TTLL11: variants seen among roughly 807,000 people sequenced by gnomAD.
TTLL11 encodes tubulin tyrosine ligase like 11.
Under a neutral mutation model 51.7 loss-of-function variants are expected in TTLL11, and 42 were observed. The observed-to-expected ratio is 0.81, with a 90% CI of 0.64 to 1.05. TTLL11 has a LOEUF of 1.05. Among genes scored for constraint, TTLL11 ranks in the 50% least tolerant of loss-of-function variants. The pLI is 0.00. For synonymous variants in TTLL11, 381 were observed against 383.5 expected (o/e 0.99, Z 0.08); for missense variants, 799 against 940.4 (o/e 0.85, Z 1.97).
At chr9:121,887,851 A>G (rs1363540531) in intron 6 of TTLL11, among the ~76,000 whole-genome samples, 1 of 152,068 alleles carries the variant, frequency 6.6e-6, no homozygotes, top group Non-Finnish European at 1.5e-5. Context: ...CAAGTCTGGA[A>G]TACATCTGGT....
intron 1 of TTLL11, among the ~76,000 whole-genome samples, chr9:122,088,851 C>G (rs1421570656): frequency 2.0e-5 from 3 of 151,640 alleles, no homozygotes; most frequent in Non-Finnish European, 4.4e-5. Flanking sequence ...ATTAAAAATA[C>G]AAAAATTAGC....
At chr9:121,874,588 C>T (rs1355018209) in intron 6 of TTLL11, among the ~76,000 whole-genome samples, 2 of 152,042 alleles carry the variant, frequency 1.3e-5, no homozygotes, top group Non-Finnish European at 2.9e-5. Flanking sequence ...AGTATCTTCC[C>T]ATGGTATTAA....
chr9:122,006,418 A>G (rs1452335732), intron 3 of TTLL11, among the ~76,000 whole-genome samples: 1 of 151,348 alleles, frequency 6.6e-6, no homozygotes, highest in Non-Finnish European at 1.5e-5. Context: ...AGTTTATTTG[A>G]TATTTCAGAA....
intron 8 of TTLL11, among the ~76,000 whole-genome samples, chr9:121,855,625 C>T (rs1837791188): frequency 6.6e-6 from 1 of 152,090 alleles, no homozygotes; most frequent in African/African-American, 2.4e-5. Flanking sequence ...GGGTGATGAT[C>T]CAGTCCAAAT....
intron 3 of TTLL11, among the ~76,000 whole-genome samples, chr9:122,029,451 T>C (rs771335420): frequency 5.3e-5 from 8 of 152,118 alleles, no homozygotes; most frequent in Non-Finnish European, 1.0e-4. Context: ...CCTGACCCCG[T>C]GTAGGCCTAG....
chr9:121,919,214 C>T (rs1840439182), intron 6 of TTLL11, among the ~76,000 whole-genome samples: 1 of 152,098 alleles, frequency 6.6e-6, no homozygotes, highest in Non-Finnish European at 1.5e-5. Flanking sequence ...TTCAGAAAGT[C>T]CATTTTTGTA....
intron 6 of TTLL11, among the ~76,000 whole-genome samples, chr9:121,955,469 A>G (rs919592579): frequency 7.9e-5 from 12 of 152,248 alleles, no homozygotes; most frequent in African/African-American, 2.7e-4. Flanking sequence ...CTCAGGTAGT[A>G]TGTGGTGCAG....
intron 6 of TTLL11, among the ~76,000 whole-genome samples, chr9:121,940,958 A>G (rs1841437383): frequency 6.6e-6 from 1 of 152,254 alleles, no homozygotes; most frequent in Non-Finnish European, 1.5e-5. Flanking sequence ...GAGAACTCCA[A>G]TTAAGGCAGA....
At chr9:121,849,806 T>C (rs919267395) in intron 8 of TTLL11, among the ~76,000 whole-genome samples, 5 of 152,158 alleles carry the variant, frequency 3.3e-5, no homozygotes, top group Non-Finnish European at 5.9e-5. Context: ...GAATGCAAAA[T>C]GGTACTACTA....
chr9:121,938,175 G>A (rs1399384684), intron 6 of TTLL11, among the ~76,000 whole-genome samples: 3 of 151,760 alleles, frequency 2.0e-5, no homozygotes, highest in South Asian at 2.1e-4. Flanking sequence ...TGTAGTCCCC[G>A]CTACTCGGGA....
intron 6 of TTLL11, among the ~76,000 whole-genome samples, chr9:121,893,758 G>A (rs921138733): frequency 6.6e-6 from 1 of 152,158 alleles, no homozygotes; most frequent in African/African-American, 2.4e-5. Flanking sequence ...TACTCAATGG[G>A]CAGTACCCAA....
rs1425448827 is a variant in TTLL11, at chr9:121,853,988, C to A, written c.1840+6349G>T. ...CCGCTTCCTGAGCATTTTCCACAGG[C>A]AGACATGGCCCTGAGCGCTTTCCGT... On this transcript the variant is annotated intron_variant, in intron 8 of 8. Coordinates refer to ENST00000321582, the MANE Select transcript of TTLL11 (RefSeq NM_001139442.2). This position sits in a 1 kb window ranked among gnomAD's most constrained non-coding sequence, Gnocchi z 5.6. Among the ~76,000 whole-genome samples, 1 of 152,198 alleles carries A rather than the reference C, an allele frequency of 6.6e-6. No homozygotes were observed. Among genetic ancestry groups the A allele is most frequent in the Non-Finnish European group, 1.5e-5 (1 of 68,038 alleles).
At chr9:122,079,262 T>G (rs1845939336) in intron 1 of TTLL11, among the ~76,000 whole-genome samples, 1 of 152,208 alleles carries the variant, frequency 6.6e-6, no homozygotes, top group Admixed American at 6.6e-5. Flanking sequence ...TTATTATAGA[T>G]AACCCAATAG....
At chr9:121,956,304 T>C (rs1842012877) in intron 6 of TTLL11, among the ~76,000 whole-genome samples, 1 of 152,214 alleles carries the variant, frequency 6.6e-6, no homozygotes, top group South Asian at 2.1e-4. Context: ...TGTAAGATGG[T>C]GTGATTGTTC....
rs574409376 is a variant in TTLL11, at chr9:122,042,460, T to C, written c.463-3092A>G. Among the ~76,000 whole-genome samples the C allele has an allele frequency of 2.0e-5, 3 of 152,346 alleles. No individual in the cohort carries two copies. In the South Asian group the frequency reaches 6.2e-4, roughly 32 times the overall value. ...GACGTCGAGCAACAGGAACCCTCAT[T>C]CCTTTCTGGTGGAAATGCAAAATGG... On this transcript the variant is annotated intron_variant, in intron 1 of 8. Transcript: ENST00000321582.
chr9:121,955,496 A>T (rs560230779), intron 6 of TTLL11, among the ~76,000 whole-genome samples: 6 of 152,348 alleles, frequency 3.9e-5, no homozygotes, highest in Admixed American at 1.3e-4. Context: ...ACTATCATTC[A>T]TGTAATGATC....
rs71497051 is a variant in TTLL11, at chr9:121,995,922, G to A, written c.694-6152C>T. Among the ~76,000 whole-genome samples the A allele has an allele frequency of 0.26, 39,979 of 151,844 alleles. 5,613 individuals are homozygous for A. The highest frequency in any genetic ancestry group is 0.29 in the Non-Finnish European group (19,648 of 67,848). ...ACCTCTCAAGCTCCGTGGTGAGCGC[G>A]GGAACCACGGGCCCGTGAGAAGTAG... On this transcript the variant is annotated intron_variant, in intron 3 of 8. Transcript: ENST00000321582. This position sits in a 1 kb window ranked among gnomAD's most constrained non-coding sequence, Gnocchi z 4.4.
rs1304428457 is a variant in TTLL11, at chr9:121,974,947, A to T, written c.1302T>A (p.Asn434Lys). The change falls in exon 5 of 9, where the codon AAT becomes AAA. Residue 434 changes from asparagine to lysine, a missense_variant. By Grantham distance (94) the Asn-to-Lys change is moderately conservative. Transcript: ENST00000321582. The part of the protein sequence containing the change: ...ILGFDILLMK[N>K]LKPILLEVNA... ...TTACTTCAAGTAGTATAGGCTTCAG[A>T]TTTTTCATTAGAAGAATGTCAAAGC... is the stretch of plus-strand genomic sequence containing the variant. 2.6e-6 allele frequency: 4 copies of T among 1,536,676 alleles called. No individual in the cohort carries two copies. The highest frequency in any genetic ancestry group is 3.5e-6 in the Non-Finnish European group (4 of 1,143,844).
chr9:122,082,165 C>T (rs1402918752), intron 1 of TTLL11, among the ~76,000 whole-genome samples: 1 of 152,146 alleles, frequency 6.6e-6, no homozygotes, highest in Admixed American at 6.5e-5. Flanking sequence ...CCCAACAATC[C>T]TAGGAATTTA....
Sources: allele counts gnomAD v4.1 joint callset (sites outside exome capture counted in the v4.1 genomes callset), GRCh38; gene constraint gnomAD v4.1.1; non-coding constraint Gnocchi (gnomAD v3.1); transcripts MANE v1.5; gene names NCBI Gene and HGNC (gene_info 2026-07-23, HGNC 2026-07-21).